Variants in COL5A2 observed in about 807,000 individuals in gnomAD.
COL5A2 encodes the protein collagen alpha-2(V) chain.
A neutral mutation model predicts 208.2 loss-of-function variants in COL5A2; 23 were observed. That is an observed-to-expected ratio of 0.11 (90% confidence interval 0.08 to 0.16). COL5A2 has a LOEUF of 0.16. Among genes scored for constraint, COL5A2 ranks in the 10% least tolerant of loss-of-function variants. COL5A2 has a pLI of 1.00. For synonymous variants in COL5A2, 625 were observed against 628.5 expected (o/e 0.99, Z 0.08); for missense variants, 1,590 against 1,956.4 (o/e 0.81, Z 3.53).
chr2:189,086,613 C>G (rs1686668453), intron 9 of COL5A2, 113 bp downstream of exon 9: 1 of 767,848 alleles, frequency 1.3e-6, no homozygotes, highest in East Asian at 2.7e-5. Flanking sequence ...GTGAGCATTA[C>G]AATATAAAAT....
At chr2:189,051,934 G>C (rs1280345815) in intron 41 of COL5A2, among the ~76,000 whole-genome samples, 2 of 151,930 alleles carry the variant, frequency 1.3e-5, no homozygotes, top group African/African-American at 2.4e-5. Context: ...TATTTAAACG[G>C]AATAATAATA....
intron 18 of COL5A2, 121 bp downstream of exon 18, chr2:189,071,919 A>T: frequency 1.5e-6 from 1 of 678,552 alleles, no homozygotes; most frequent in Non-Finnish European, 2.6e-6. Flanking sequence ...AGCATACTCT[A>T]GGCTCTTTCC....
Position 189,130,265 on chromosome 2 carries a change from T to A in COL5A2, c.98-19816A>T, listed in dbSNP as rs1687685360. Among the ~76,000 whole-genome samples, 2 of 152,058 alleles carry A rather than the reference T, an allele frequency of 1.3e-5. 1 individual carries two copies. Among genetic ancestry groups the A allele is most frequent in the South Asian group, 4.1e-4 (2 of 4,828 alleles). On this transcript the variant is annotated intron_variant, in intron 1 of 53. Transcript: ENST00000374866. ...CTTTTAGACTATTTACTCCAAATCC[T>A]TTTAGTCACTGAGATATTTTAAGAG...
the COL5A2 span, among the ~76,000 whole-genome samples, chr2:189,336,286 T>A: frequency 6.6e-6 from 1 of 152,220 alleles, no homozygotes; most frequent in Non-Finnish European, 1.5e-5. Flanking sequence ...CATACATTGC[T>A]GTTGAGATTG....
the COL5A2 span, among the ~76,000 whole-genome samples, chr2:189,276,909 T>C: frequency 6.6e-6 from 1 of 152,102 alleles, no homozygotes; most frequent in Admixed American, 6.6e-5. Context: ...AAGATCTTAA[T>C]TTATTAGCAT....
At chr2:189,305,515 C>T in the COL5A2 span, among the ~76,000 whole-genome samples, 6 of 152,124 alleles carry the variant, frequency 3.9e-5, no homozygotes, top group African/African-American at 1.2e-4. Flanking sequence ...TTGAGTAAAC[C>T]CTCACCAGAT....
rs201649860 is a variant in COL5A2, at chr2:189,063,185, G to C, written c.1856C>G (p.Pro619Arg). The C allele has an allele frequency of 6.2e-7, 1 of 1,614,000 alleles. No individual in the cohort carries two copies. The highest frequency in any genetic ancestry group is 1.3e-5 in the African/African-American group (1 of 75,006). ...GQPGSMGLPG[P>R]KGSSGDPGKP... is the part of the protein sequence containing the mutation. ...CACTGTACTCACACTGCTACCTTTG[G>C]GGCCTGGAAGGCCCATGCTCCCGGG... The change falls in exon 27 of 54, where the codon CCC (proline) becomes CGC (arginine). Residue 619 changes from proline to arginine, a missense_variant. Coordinates refer to ENST00000374866, the MANE Select transcript of COL5A2 (RefSeq NM_000393.5).
At chr2:189,301,083 A>G in the COL5A2 span, among the ~76,000 whole-genome samples, 1 of 151,332 alleles carries the variant, frequency 6.6e-6, no homozygotes, top group Non-Finnish European at 1.5e-5. Flanking sequence ...GCTACTCAGG[A>G]AGCTGTGGTG....
chr2:189,328,875 T>C, the COL5A2 span, among the ~76,000 whole-genome samples: 2 of 152,238 alleles, frequency 1.3e-5, no homozygotes, highest in African/African-American at 4.8e-5. Context: ...GATTGACAAC[T>C]TCATAAAACT....
In COL5A2 at chr2:189,053,876, C is replaced by G. The variant is rs781391765; in HGVS notation, c.2499+19G>C. Reference sequence around the variant, plus strand: ...TTGCTCAATCTCACACTAAAGAACACCAAAATACTGTCACTTACAGGATTG... The same window carrying G: ...TTGCTCAATCTCACACTAAAGAACAGCAAAATACTGTCACTTACAGGATTG... On this transcript the variant is annotated intron_variant, in intron 37 of 53. Transcript: ENST00000374866. 6.8e-6 allele frequency: 11 copies of G among 1,607,926 alleles called. No individual in the cohort carries two copies. Among genetic ancestry groups the G allele is most frequent in the Middle Eastern group, 1.7e-4 (1 of 6,052 alleles).
At chr2:189,049,258 A>G in intron 44 of COL5A2, 89 bp downstream of exon 44, 1 of 913,480 alleles carries the variant, frequency 1.1e-6, no homozygotes, top group Non-Finnish European at 1.8e-6. Context: ...CAAATATGCA[A>G]TAAAATTCTA....
chr2:189,102,658 C>A (rs1481751452), intron 3 of COL5A2, among the ~76,000 whole-genome samples: 1 of 151,972 alleles, frequency 6.6e-6, no homozygotes, highest in Non-Finnish European at 1.5e-5. Context: ...ACCATGGAAG[C>A]AGTTATAGTG....
the COL5A2 span, among the ~76,000 whole-genome samples, chr2:189,234,103 A>G: frequency 6.6e-6 from 1 of 151,428 alleles, no homozygotes; most frequent in Non-Finnish European, 1.5e-5. Context: ...ACTAGTGTTT[A>G]CCTTTGTATC....
At chr2:189,203,803 T>A (rs976062368) in intron 1 of COL5A2, among the ~76,000 whole-genome samples, 1 of 152,152 alleles carries the variant, frequency 6.6e-6, no homozygotes, top group Non-Finnish European at 1.5e-5. Flanking sequence ...ACACTGAAGT[T>A]CAGAAAAGCA....
At chr2:189,059,723 A>C (rs1227829463) in intron 31 of COL5A2, among the ~76,000 whole-genome samples, 1 of 150,146 alleles carries the variant, frequency 6.7e-6, no homozygotes, top group Non-Finnish European at 1.5e-5. Flanking sequence ...CAGCCTCCCA[A>C]GTAGCTGGGA....
intron 32 of COL5A2, 61 bp downstream of exon 32, chr2:189,058,788 A>T: frequency 7.0e-7 from 1 of 1,427,716 alleles, no homozygotes. Context: ...ATTTTAAAAG[A>T]CACCTTTTAA....
chr2:189,179,008 T>C (rs968278378), intron 1 of COL5A2, among the ~76,000 whole-genome samples: 2 of 152,098 alleles, frequency 1.3e-5, no homozygotes, highest in African/African-American at 4.8e-5. Flanking sequence ...GAGGAAAGAA[T>C]GAGGAGCCAA....
the COL5A2 span, among the ~76,000 whole-genome samples, chr2:189,402,038 T>C: frequency 6.6e-6 from 1 of 152,208 alleles, no homozygotes; most frequent in Non-Finnish European, 1.5e-5. Context: ...CTGTTGCTGG[T>C]TACTTTTGTT....
the COL5A2 span, among the ~76,000 whole-genome samples, chr2:189,321,366 A>T: frequency 6.6e-6 from 1 of 152,252 alleles, no homozygotes; most frequent in African/African-American, 2.4e-5. Flanking sequence ...AAAGACACAG[A>T]CTGGAAAATT....
Sources: gnomAD v4.1 joint callset for allele counts (sites outside exome capture counted in the v4.1 genomes callset) on GRCh38, gnomAD v4.1.1 for gene constraint, MANE v1.5 for transcripts, NCBI Gene and HGNC (gene_info 2026-07-23, HGNC 2026-07-21) for gene names.